STXBP5L: variants seen among roughly 807,000 people sequenced by gnomAD.
STXBP5L encodes the protein syntaxin binding protein 5L.
In STXBP5L, 65 loss-of-function variants were observed where a neutral mutation model predicts 144.5. That is an observed-to-expected ratio of 0.45 (90% CI 0.37 to 0.55). The LOEUF is 0.55. Ranked by LOEUF, STXBP5L falls within the 20% of genes least tolerant of loss-of-function variation. The pLI is 0.00. For missense variants in STXBP5L, 1,298 were observed against 1,405.5 expected (o/e 0.92, Z 1.22); for synonymous variants, 505 against 469.6 (o/e 1.08, Z -0.97).
At chr3:121,413,110 C>A in intron 23 of STXBP5L, 48 bp from the exon 24 acceptor site, 1 of 1,352,402 alleles carries the variant, frequency 7.4e-7, no homozygotes, top group South Asian at 1.9e-5. Flanking sequence ...TAAATATCTG[C>A]TTCTAACAAC....
intron 22 of STXBP5L, among the ~76,000 whole-genome samples, chr3:121,385,004 G>A (rs1414829955): frequency 6.6e-6 from 1 of 151,820 alleles, no homozygotes; most frequent in Non-Finnish European, 1.5e-5. Context: ...TACCTAGCAT[G>A]CTTTGTAACA....
At chr3:121,077,813 CTAGA>C (rs1379220481) in intron 5 of STXBP5L, among the ~76,000 whole-genome samples, 19 of 152,202 alleles carry the variant, frequency 1.2e-4, no homozygotes, top group African/African-American at 2.4e-4. Flanking sequence ...ATCAGAGTAG[CTAGA>C]TAGAGTGTCG....
At chr3:121,285,015 AAT>A (rs2051181482) in intron 19 of STXBP5L, among the ~76,000 whole-genome samples, 1 of 152,084 alleles carries the variant, frequency 6.6e-6, no homozygotes. Flanking sequence ...ACTATTGGAT[AAT>A]ATAATCTGAT....
chr3:121,075,328 C>G (rs1319544174), intron 5 of STXBP5L, among the ~76,000 whole-genome samples: 1 of 152,160 alleles, frequency 6.6e-6, no homozygotes, highest in East Asian at 1.9e-4. Context: ...TTTTGCCTAG[C>G]TAGTCCTCTA....
At position 121,223,039 on chromosome 3, in the gene STXBP5L, T is replaced by C. The variant is rs1396913947; in HGVS notation, c.993T>C (p.Tyr331=). The part of the protein sequence containing the change: ...PFIIFSGGLS[Y]DKACRRPSLT... ...TAATATTCTCTGGTGGGCTGTCCTATGACAAAGCTTGTAGAAGACCAAGTT... is the reference window on the plus strand; with the variant it reads ...TAATATTCTCTGGTGGGCTGTCCTACGACAAAGCTTGTAGAAGACCAAGTT... Residue 331 remains tyrosine (Y), a synonymous_variant, in exon 11 of 27, where the codon TAT becomes TAC. Coordinates refer to ENST00000471454, the MANE Select transcript of STXBP5L (RefSeq NM_001308330.2). 3.1e-6 allele frequency: 5 copies of C among 1,612,224 alleles called. No individual in the cohort carries two copies. Among genetic ancestry groups the C allele is most frequent in the Non-Finnish European group, 4.2e-6 (5 of 1,179,352 alleles).
At chr3:121,034,894 ACTTT>A (rs1420582204) in intron 3 of STXBP5L, among the ~76,000 whole-genome samples, 4 of 151,872 alleles carry the variant, frequency 2.6e-5, no homozygotes, top group Admixed American at 2.6e-4. Context: ...TTATTTTTTG[ACTTT>A]CTAATAATAG....
chr3:121,278,318 T>A (rs2050947217), intron 18 of STXBP5L, among the ~76,000 whole-genome samples: 2 of 152,002 alleles, frequency 1.3e-5, no homozygotes, highest in Non-Finnish European at 2.9e-5. Context: ...AATAGGAGAT[T>A]AAATCTTTTC....
intron 3 of STXBP5L, among the ~76,000 whole-genome samples, chr3:120,978,857 C>T (rs1365729130): frequency 6.6e-6 from 1 of 152,174 alleles, no homozygotes; most frequent in Non-Finnish European, 1.5e-5. Context: ...TGCAGAACAG[C>T]AGATTTTCGT....
chr3:121,081,119 C>A (rs1241523130), intron 5 of STXBP5L, among the ~76,000 whole-genome samples: 1 of 151,418 alleles, frequency 6.6e-6, no homozygotes, highest in Non-Finnish European at 1.5e-5. Context: ...CTCTGAAATT[C>A]TTTCTTCTAC....
chr3:120,975,665 A>T (rs1940896350), intron 3 of STXBP5L, among the ~76,000 whole-genome samples: 2 of 152,152 alleles, frequency 1.3e-5, no homozygotes, highest in South Asian at 4.1e-4. Context: ...ATTCAGTACG[A>T]TATTGGCTGT....
chr3:121,234,899 G>A (rs888112753), intron 12 of STXBP5L, among the ~76,000 whole-genome samples: 16 of 151,544 alleles, frequency 1.1e-4, no homozygotes, highest in Admixed American at 6.6e-4. Flanking sequence ...GTCTTTCTAC[G>A]TCATATTTGT....
At chr3:121,060,660 G>C (rs930409634) in intron 5 of STXBP5L, among the ~76,000 whole-genome samples, 2 of 152,110 alleles carry the variant, frequency 1.3e-5, no homozygotes, top group Non-Finnish European at 2.9e-5. Context: ...ATTTGTTATT[G>C]GTCTATTCAG....
chr3:121,375,833 G>T (rs2046166312), intron 20 of STXBP5L, among the ~76,000 whole-genome samples: 1 of 152,088 alleles, frequency 6.6e-6, no homozygotes, highest in African/African-American at 2.4e-5. Flanking sequence ...CAATAAACAT[G>T]ATTTTTCTCT....
intron 23 of STXBP5L, among the ~76,000 whole-genome samples, chr3:121,412,956 C>T (rs2047152237): frequency 1.3e-5 from 2 of 151,896 alleles, no homozygotes; most frequent in African/African-American, 4.8e-5. Context: ...ATCACTTGAA[C>T]CTGGAAGGCA....
chr3:121,354,778 T>A (rs943301122), intron 20 of STXBP5L, among the ~76,000 whole-genome samples: 14 of 152,188 alleles, frequency 9.2e-5, no homozygotes, highest in Admixed American at 3.9e-4. Flanking sequence ...TGCAGTTTCT[T>A]CCTAGCATCT....
intron 20 of STXBP5L, among the ~76,000 whole-genome samples, chr3:121,330,665 C>T (rs545252295): frequency 6.6e-6 from 1 of 152,256 alleles, no homozygotes; most frequent in South Asian, 2.1e-4. Flanking sequence ...TTTGCAAATG[C>T]TACCCCCTGG....
intron 3 of STXBP5L, among the ~76,000 whole-genome samples, chr3:120,975,972 C>G (rs1940944238): frequency 6.6e-6 from 1 of 151,894 alleles, no homozygotes; most frequent in African/African-American, 2.4e-5. Flanking sequence ...ATTTTTGCAT[C>G]AATGTTCATC....
intron 5 of STXBP5L, among the ~76,000 whole-genome samples, chr3:121,112,501 A>G (rs2044033417): frequency 6.7e-6 from 1 of 150,148 alleles, no homozygotes; most frequent in African/African-American, 2.5e-5. Context: ...GAGAATTTGG[A>G]TACCTCAGTT....
At chr3:121,382,303 TTAAC>T (rs1305189475) in intron 22 of STXBP5L, among the ~76,000 whole-genome samples, 1 of 152,076 alleles carries the variant, frequency 6.6e-6, no homozygotes, top group African/African-American at 2.4e-5. Flanking sequence ...TGTGTTTTCT[TTAAC>T]TAGTGTGCTA....
Sources: gnomAD v4.1 joint callset for allele counts (sites outside exome capture counted in the v4.1 genomes callset) on GRCh38, gnomAD v4.1.1 for gene constraint, MANE v1.5 for transcripts, NCBI Gene and HGNC (gene_info 2026-07-23, HGNC 2026-07-21) for gene names.